Variants in GPHN observed in about 807,000 individuals in gnomAD.
GPHN encodes the protein gephyrin.
Under a neutral mutation model 95.5 loss-of-function variants are expected in GPHN, and 17 were observed. That is an observed-to-expected ratio of 0.18 (90% CI 0.12 to 0.27). GPHN has a LOEUF of 0.27. GPHN is among the 10% of genes least tolerant of loss of function. The pLI, the probability that GPHN is intolerant of heterozygous loss-of-function variation, is 1.00. For missense variants in GPHN, 660 were observed against 978.1 expected, an observed-to-expected ratio of 0.67 and a Z score of 4.34; for synonymous variants, 320 against 322.5, an observed-to-expected ratio of 0.99 and a Z score of 0.08.
chr14:67,705,797 C>T, the GPHN span, among the ~76,000 whole-genome samples: 1 of 152,146 alleles, frequency 6.6e-6, no homozygotes, highest in South Asian at 2.1e-4. Flanking sequence ...ATTTGATCAA[C>T]CATGACAGAG....
At chr14:66,576,838 C>T (rs1374617149) in intron 1 of GPHN, among the ~76,000 whole-genome samples, 2 of 152,068 alleles carry the variant, frequency 1.3e-5, no homozygotes, top group Non-Finnish European at 2.9e-5. Flanking sequence ...TTTCAAAATC[C>T]TCTTTTTCTT....
the GPHN span, chr14:67,225,094 A>G: frequency 6.5e-7 from 1 of 1,535,364 alleles, no homozygotes; most frequent in Non-Finnish European, 8.8e-7. Context: ...TACTTTCCTT[A>G]TTCTTTTTCT....
chr14:67,038,383 T>C (rs905605563), intron 10 of GPHN, among the ~76,000 whole-genome samples: 1 of 152,112 alleles, frequency 6.6e-6, no homozygotes, highest in Non-Finnish European at 1.5e-5. Flanking sequence ...TACAATAATA[T>C]GCATATATTG....
chr14:67,299,694 A>G, the GPHN span, among the ~76,000 whole-genome samples: 11 of 152,240 alleles, frequency 7.2e-5, no homozygotes, highest in Admixed American at 5.9e-4. Flanking sequence ...AGAATAAGCA[A>G]CATATAGGTT....
At chr14:67,338,566 G>T in the GPHN span, 1 of 1,572,656 alleles carries the variant, frequency 6.4e-7, no homozygotes, top group Non-Finnish European at 8.6e-7. Context: ...CCTACACACT[G>T]TGAATTAAAA....
the GPHN span, among the ~76,000 whole-genome samples, chr14:67,350,035 C>T: frequency 6.6e-6 from 1 of 152,216 alleles, no homozygotes; most frequent in Admixed American, 6.5e-5. Context: ...CAATGCTTGC[C>T]TTACCTATCT....
intron 3 of GPHN, among the ~76,000 whole-genome samples, chr14:66,787,241 C>T (rs140372092): frequency 4.6e-5 from 7 of 152,156 alleles, no homozygotes; most frequent in African/African-American, 1.4e-4. Flanking sequence ...TTAAATAACA[C>T]CATTTACAAT....
intron 3 of GPHN, among the ~76,000 whole-genome samples, chr14:66,792,927 A>G (rs1420628056): frequency 6.6e-6 from 1 of 152,252 alleles, no homozygotes; most frequent in Non-Finnish European, 1.5e-5. Context: ...GGCCAAAATA[A>G]AGGGGTGGGT....
intron 1 of GPHN, among the ~76,000 whole-genome samples, chr14:66,641,484 G>T (rs1284793749): frequency 6.6e-6 from 1 of 152,118 alleles, no homozygotes; most frequent in Non-Finnish European, 1.5e-5. Context: ...AAGGGTAATT[G>T]TATCAGGAAG....
At chr14:67,500,094 T>C in the GPHN span, among the ~76,000 whole-genome samples, 1 of 152,000 alleles carries the variant, frequency 6.6e-6, no homozygotes, top group African/African-American at 2.4e-5. Context: ...GCTACTCACG[T>C]GGGAGGATAC....
chr14:67,607,762 C>T, the GPHN span, among the ~76,000 whole-genome samples: 1 of 152,184 alleles, frequency 6.6e-6, no homozygotes, highest in East Asian at 1.9e-4. Flanking sequence ...CCATCCCAGG[C>T]TCTAAAGTTA....
chr14:67,295,655 G>A, the GPHN span, among the ~76,000 whole-genome samples: 1 of 152,132 alleles, frequency 6.6e-6, no homozygotes, highest in Non-Finnish European at 1.5e-5. Context: ...AAAACATAAT[G>A]AGATACAGTT....
At chr14:67,694,449 T>TAC in the GPHN span, among the ~76,000 whole-genome samples, 14,919 of 145,706 alleles carry the variant, frequency 0.1, 749 homozygotes, top group Admixed American at 0.12. Flanking sequence ...TATATATATA[T>TAC]ATACACACAC....
At chr14:67,112,461 C>T (rs187818266) in intron 15 of GPHN, among the ~76,000 whole-genome samples, 298 of 152,262 alleles carry the variant, frequency 2.0e-3, no homozygotes, top group Non-Finnish European at 3.4e-3. Flanking sequence ...CCCTTTGTAA[C>T]GAAGCTACAC....
the GPHN span, chr14:67,533,280 G>C: frequency 1.3e-5 from 2 of 152,106 alleles, no homozygotes; most frequent in South Asian, 4.1e-4. Flanking sequence ...CTGCCGGGGA[G>C]GGGAGAACCG....
chr14:67,538,382 C>T, the GPHN span, among the ~76,000 whole-genome samples: 2 of 152,170 alleles, frequency 1.3e-5, no homozygotes, highest in African/African-American at 4.8e-5. Context: ...TTCATTGTGA[C>T]TAATTGTGTT....
chr14:67,193,982 A>T, the GPHN span, among the ~76,000 whole-genome samples: 2 of 151,254 alleles, frequency 1.3e-5, no homozygotes, highest in Non-Finnish European at 2.9e-5. Context: ...CAAAAAAAAA[A>T]ACAGAAAGAA....
chr14:67,174,579 C>A (rs2140131968), intron 21 of GPHN, among the ~76,000 whole-genome samples: 1 of 152,244 alleles, frequency 6.6e-6, no homozygotes, highest in East Asian at 1.9e-4. Flanking sequence ...AATCTATAAT[C>A]CTTTGGGTAT....
intron 9 of GPHN, among the ~76,000 whole-genome samples, chr14:67,010,909 AT>A (rs2153616270): frequency 6.6e-6 from 1 of 152,332 alleles, no homozygotes; most frequent in South Asian, 2.1e-4. Context: ...AATGAAAAAA[AT>A]ATATGGGTTG....
Sources: allele counts gnomAD v4.1 joint callset (sites outside exome capture counted in the v4.1 genomes callset), GRCh38; gene constraint gnomAD v4.1.1; transcripts MANE v1.5; gene names NCBI Gene and HGNC (gene_info 2026-07-23, HGNC 2026-07-21).